Variants in KIF9 observed in about 807,000 individuals in gnomAD.
KIF9 encodes the protein kinesin-like protein KIF9.
In KIF9, 68 loss-of-function variants were observed where a neutral mutation model predicts 94.8. The ratio of observed to expected loss-of-function variants is 0.72; its 90% CI spans 0.59 to 0.88. KIF9 has a LOEUF of 0.88. KIF9 is among the 40% of genes least tolerant of loss of function. KIF9 has a pLI of 0.00. For synonymous variants in KIF9, 343 were observed against 362.1 expected (o/e 0.95, Z 0.60); for missense variants, 882 against 982.5 (o/e 0.90, Z 1.37).
intron 3 of KIF9, among the ~76,000 whole-genome samples, chr3:47,273,879 C>T (rs901629678): frequency 7.9e-5 from 12 of 152,202 alleles, no homozygotes; most frequent in Non-Finnish European, 1.8e-4. Flanking sequence ...TCTGTGGTCC[C>T]CACAATGCTC....
chr3:47,230,964 AG>A (rs1698525023), intron 20 of KIF9, among the ~76,000 whole-genome samples: 1 of 152,074 alleles, frequency 6.6e-6, no homozygotes, highest in South Asian at 2.1e-4. Flanking sequence ...CTTACAACCC[AG>A]GGGGCAGAGG....
intron 5 of KIF9, 70 bp from the exon 6 acceptor site, chr3:47,267,333 A>G (rs1372541200): frequency 1.9e-6 from 2 of 1,050,322 alleles, no homozygotes; most frequent in African/African-American, 3.1e-5. Flanking sequence ...GTCATTTTTC[A>G]ATTATACCAA....
At chr3:47,239,594 T>C (rs1699313464) in intron 17 of KIF9, 1 of 1,061,342 alleles carries the variant, frequency 9.4e-7, no homozygotes, top group Non-Finnish European at 1.2e-6. Flanking sequence ...TAATTGTTAT[T>C]ATATTTTTTT....
chr3:47,277,241 A>G (rs755941389), intron 2 of KIF9, 41 bp downstream of exon 2: 1 of 1,433,276 alleles, frequency 7.0e-7, no homozygotes, highest in East Asian at 2.3e-5. Flanking sequence ...AAGGTGGGAC[A>G]GAGAGGCCCA....
intron 1 of KIF9, among the ~76,000 whole-genome samples, chr3:47,280,467 AG>A (rs1702258299): frequency 6.6e-6 from 1 of 152,224 alleles, no homozygotes; most frequent in African/African-American, 2.4e-5. Context: ...AGCCTTTGGG[AG>A]GCCAATGTGG....
In KIF9 at chr3:47,244,901, G is replaced by A. The variant is rs770465704; in HGVS notation, c.1404C>T (p.Gly468=). ...IQKAGLVDVD[G]HLVGEPEGQN... ...GTCCTTCAGGCTCACCCACTAGGTG[G>A]CCATCAACATCCACAAGCCCCGCCT... Residue 468 remains glycine, a synonymous_variant, in exon 15 of 21, where the codon GGC becomes GGT. Coordinates refer to ENST00000684063, the MANE Select transcript of KIF9 (RefSeq NM_182902.4). The A allele has an allele frequency of 1.2e-6, 2 of 1,614,124 alleles. No homozygotes were observed. The highest frequency in any genetic ancestry group is 1.7e-6 in the Non-Finnish European group (2 of 1,180,006).
intron 11 of KIF9, 109 bp downstream of exon 11, chr3:47,247,909 C>T (rs1239545556): frequency 2.1e-5 from 18 of 847,986 alleles, no homozygotes; most frequent in East Asian, 7.2e-5. Context: ...CCCCCAACCC[C>T]GCCCACCATT....
chr3:47,266,123 C>T, intron 7 of KIF9: 5 of 419,440 alleles, frequency 1.2e-5, no homozygotes, highest in Non-Finnish European at 2.2e-5. Flanking sequence ...TGAATGCTTA[C>T]ATGAATATTC....
At chr3:47,239,053 C>G (rs1038702382) in intron 17 of KIF9, among the ~76,000 whole-genome samples, 1 of 152,166 alleles carries the variant, frequency 6.6e-6, no homozygotes, top group African/African-American at 2.4e-5. Flanking sequence ...ACAAAATTAC[C>G]TGGGCATGGT....
In KIF9 at chr3:47,256,890, A is replaced by G. The variant is rs575411312; in HGVS notation, c.1059+593T>C. ...ACATGTGCTGTGTCCACTCAGGGTT[A>G]AATGGATTAAGGGCGGTGCAAGATG... On this transcript the variant is annotated intron_variant, in intron 10 of 20. Transcript: ENST00000684063. Among the ~76,000 whole-genome samples the G allele has an allele frequency of 2.4e-3, 358 of 152,304 alleles. 1 individual carries two copies. Among genetic ancestry groups the G allele is most frequent in the Non-Finnish European group, 4.3e-3 (295 of 68,016 alleles).
chr3:47,236,710 C>T (rs1370432637), intron 17 of KIF9, 91 bp from the exon 18 acceptor site: 1 of 1,185,568 alleles, frequency 8.4e-7, no homozygotes, highest in Non-Finnish European at 1.2e-6. Context: ...ACAGAGCTGG[C>T]AAATCATGAA....
intron 19 of KIF9, 116 bp from the exon 20 acceptor site, chr3:47,235,733 C>T: frequency 1.3e-6 from 1 of 793,668 alleles, no homozygotes; most frequent in South Asian, 1.6e-5. Flanking sequence ...CCCACCGCCA[C>T]CAAAAGGGCA....
chr3:47,247,944 C>T (rs940897483), intron 11 of KIF9, 74 bp downstream of exon 11: 7 of 1,153,100 alleles, frequency 6.1e-6, no homozygotes, highest in Non-Finnish European at 6.5e-6. Context: ...ATGCTGTCTG[C>T]CCCTAGCCCC....
At chr3:47,256,442 G>A (rs1158339707) in intron 10 of KIF9, among the ~76,000 whole-genome samples, 4 of 151,700 alleles carry the variant, frequency 2.6e-5, no homozygotes, top group Non-Finnish European at 4.4e-5. Flanking sequence ...GAGCATCTCC[G>A]CCCGGCAGCC....
At chr3:47,241,651 A>G (rs1406656301) in intron 16 of KIF9, among the ~76,000 whole-genome samples, 3 of 136,162 alleles carry the variant, frequency 2.2e-5, no homozygotes, top group African/African-American at 7.8e-5. Context: ...GTGTGTGTGT[A>G]TATATATATG....
Position 47,282,613 on chromosome 3 carries a change from G to A in KIF9, c.-124C>T, listed in dbSNP as rs1179400052. On this transcript the variant is annotated 5_prime_UTR_variant, in exon 1 of 21. Transcript: ENST00000684063. ...GCCATGGCAACGGGTCGCTTCCGGGGATTCCGGAAGTGTCGGGGTGGCGGA... is the reference window on the plus strand; with the variant it reads ...GCCATGGCAACGGGTCGCTTCCGGGAATTCCGGAAGTGTCGGGGTGGCGGA... 6 of 1,118,956 alleles carry A rather than the reference G, an allele frequency of 5.4e-6. No homozygotes were observed. Among genetic ancestry groups the A allele is most frequent in the Non-Finnish European group, 6.6e-6 (6 of 909,430 alleles). 69.3% of individuals were successfully genotyped at this position (1,118,956 alleles called of 1,614,324 possible). A position where few individuals can be genotyped will look rare whatever the true frequency, so the allele number is the denominator to read the frequency against.
chr3:47,256,066 A>G (rs935181577), intron 10 of KIF9, among the ~76,000 whole-genome samples: 3 of 152,174 alleles, frequency 2.0e-5, no homozygotes, highest in African/African-American at 4.8e-5. Context: ...TCAGTGCTCA[A>G]TGGTGCCCAG....
chr3:47,249,568 C>T (rs767963263), intron 10 of KIF9, among the ~76,000 whole-genome samples: 2 of 152,098 alleles, frequency 1.3e-5, no homozygotes, highest in Non-Finnish European at 2.9e-5. Flanking sequence ...GAGATCTGCC[C>T]CCATTACCTC....
intron 17 of KIF9, chr3:47,239,523 G>T: frequency 2.8e-6 from 3 of 1,080,064 alleles, no homozygotes; most frequent in Non-Finnish European, 3.4e-6. Context: ...TGGTCTGTGA[G>T]GTATGATAAG....
Sources: allele counts gnomAD v4.1 joint callset (sites outside exome capture counted in the v4.1 genomes callset), GRCh38; gene constraint gnomAD v4.1.1; transcripts MANE v1.5; gene names NCBI Gene and HGNC (gene_info 2026-07-23, HGNC 2026-07-21).